The following KIAA0825 variants were observed in gnomAD, a reference collection of about 807,000 sequenced individuals.
KIAA0825 encodes the protein KIAA0825.
Under a neutral mutation model 147.6 loss-of-function variants are expected in KIAA0825, and 119 were observed. The observed-to-expected ratio is 0.81, with a 90% CI of 0.69 to 0.94. KIAA0825 has a LOEUF of 0.94. KIAA0825 is among the 40% of genes least tolerant of loss of function. KIAA0825 has a pLI of 0.00. For synonymous variants in KIAA0825, 470 were observed against 518.1 expected, an observed-to-expected ratio of 0.91 and a Z score of 1.26; for missense variants, 1,381 against 1,472.7, an observed-to-expected ratio of 0.94 and a Z score of 1.02.
intron 2 of KIAA0825, among the ~76,000 whole-genome samples, chr5:94,564,312 A>G (rs534801742): frequency 1.3e-5 from 2 of 150,756 alleles, no homozygotes; most frequent in South Asian, 4.2e-4. Flanking sequence ...CCTGGGCTCA[A>G]GGGATCCTCC....
At chr5:94,216,055 T>C (rs1450849599) in intron 20 of KIAA0825, among the ~76,000 whole-genome samples, 1 of 152,130 alleles carries the variant, frequency 6.6e-6, no homozygotes, top group Non-Finnish European at 1.5e-5. Flanking sequence ...ACCATGATTT[T>C]GGTGTGTCTA....
intron 20 of KIAA0825, among the ~76,000 whole-genome samples, chr5:94,239,021 A>G (rs959657034): frequency 2.6e-5 from 4 of 152,188 alleles, no homozygotes; most frequent in African/African-American, 4.8e-5. Context: ...AGTTCTGAAC[A>G]GTTTATTTTA....
At chr5:94,539,643 T>C (rs1463049384) in intron 2 of KIAA0825, among the ~76,000 whole-genome samples, 1 of 151,802 alleles carries the variant, frequency 6.6e-6, no homozygotes, top group East Asian at 1.9e-4. Context: ...GGTACCCGGG[T>C]AAATAATGGG....
At chr5:94,177,200 T>C (rs1769186132) in intron 20 of KIAA0825, among the ~76,000 whole-genome samples, 1 of 152,064 alleles carries the variant, frequency 6.6e-6, no homozygotes, top group South Asian at 2.1e-4. Flanking sequence ...TCAAATATTA[T>C]AAAGAAAAAT....
At position 94,308,982 on chromosome 5, in the gene KIAA0825, C is replaced by G. The variant is rs1778926667; in HGVS notation, c.3710+75386G>C. Among the ~76,000 whole-genome samples, 3 of 151,790 alleles carry G rather than the reference C, an allele frequency of 2.0e-5. No homozygotes were observed. In the South Asian group the frequency reaches 6.2e-4, roughly 31 times the overall value. The stretch of plus-strand genomic sequence containing the variant: ...ATTCTCAGCCACAATTCAGTGTGCT[C>G]TATTTGCTTTTCTTTAGTCATATTC... On this transcript the variant is annotated intron_variant, in intron 20 of 20. Transcript: ENST00000682413.
chr5:94,227,778 C>T (rs1362724991), intron 20 of KIAA0825, among the ~76,000 whole-genome samples: 2 of 151,314 alleles, frequency 1.3e-5, no homozygotes, highest in Non-Finnish European at 2.9e-5. Context: ...ACAATGAGAA[C>T]ACATGGACAC....
chr5:94,187,890 G>T (rs1379630915), intron 20 of KIAA0825, among the ~76,000 whole-genome samples: 1 of 152,126 alleles, frequency 6.6e-6, no homozygotes, highest in Non-Finnish European at 1.5e-5. Flanking sequence ...TACATGCAAT[G>T]GACTGGATGT....
At chr5:94,389,579 C>T (rs1749628904) in intron 18 of KIAA0825, among the ~76,000 whole-genome samples, 1 of 152,226 alleles carries the variant, frequency 6.6e-6, no homozygotes, top group Non-Finnish European at 1.5e-5. Flanking sequence ...CATTCTTCCC[C>T]TCAGCTAGGC....
intron 20 of KIAA0825, among the ~76,000 whole-genome samples, chr5:94,201,656 C>A (rs1302619766): frequency 1.3e-5 from 2 of 151,154 alleles, no homozygotes; most frequent in Non-Finnish European, 2.9e-5. Context: ...GCTATGTTAC[C>A]CAGTCTGGTC....
intron 2 of KIAA0825, among the ~76,000 whole-genome samples, chr5:94,581,464 T>C (rs1159639352): frequency 6.6e-6 from 1 of 152,126 alleles, no homozygotes; most frequent in Non-Finnish European, 1.5e-5. Context: ...AGAAACCTAT[T>C]TGAAAAGTTG....
chr5:94,599,331 G>GTTTTTTTT (rs57220290), intron 1 of KIAA0825, among the ~76,000 whole-genome samples: 9 of 98,506 alleles, frequency 9.1e-5, no homozygotes, highest in Non-Finnish European at 1.8e-4. Context: ...GATTATTTGG[G>GTTTTTTTT]TTTTTTTTTT....
Position 94,473,419 on chromosome 5 carries a change from AT to A in KIAA0825, c.1327del (p.Ile443PhefsTer13), listed in dbSNP as rs1157283082. 6 of 1,552,038 alleles carry A rather than the reference AT, an allele frequency of 3.9e-6. No individual in the cohort carries two copies. In the East Asian group the frequency reaches 1.2e-4, roughly 32 times the overall value. ...CCTTTCATTCTGTTCCTGTTGGAGA[AT>A]TTTTGTGGAAAAACCTTCAATTGCA... ...VTAIEGFSTK[I>X]LQQEQNERSS... is the part of the protein sequence containing the mutation. On this transcript the variant is annotated frameshift_variant, in exon 8 of 21. Transcript: ENST00000682413. LOFTEE classifies it high-confidence loss of function.
At chr5:94,182,764 T>C (rs1173985524) in intron 20 of KIAA0825, among the ~76,000 whole-genome samples, 1 of 152,184 alleles carries the variant, frequency 6.6e-6, no homozygotes, top group Non-Finnish European at 1.5e-5. Flanking sequence ...AACTTCTGTG[T>C]CCCCCTACTG....
intron 18 of KIAA0825, among the ~76,000 whole-genome samples, chr5:94,390,177 A>G (rs1749715108): frequency 6.6e-6 from 1 of 152,186 alleles, no homozygotes; most frequent in African/African-American, 2.4e-5. Context: ...ATTGGTGATT[A>G]TTGAGCTTTT....
At chr5:94,305,723 G>T (rs1778681466) in intron 20 of KIAA0825, among the ~76,000 whole-genome samples, 1 of 151,716 alleles carries the variant, frequency 6.6e-6, no homozygotes. Context: ...CCCAAGAAAG[G>T]GTTTTGACAT....
chr5:94,556,896 A>G (rs1776638088), intron 2 of KIAA0825, among the ~76,000 whole-genome samples: 2 of 152,170 alleles, frequency 1.3e-5, no homozygotes, highest in Admixed American at 6.5e-5. Flanking sequence ...AATTGACAAA[A>G]TATTTTTCAG....
In KIAA0825 at chr5:94,153,744, T is replaced by G. The variant is rs62367162; in HGVS notation, c.*263A>C. 0.021 allele frequency: 5,899 copies of G among 283,544 alleles called. 88 individuals are homozygous for G. Among genetic ancestry groups the G allele is most frequent in the Non-Finnish European group, 0.029 (4,436 of 153,814 alleles). 17.6% of individuals were successfully genotyped at this position (283,544 alleles called of 1,614,324 possible). Reference sequence around the variant, plus strand: ...AAGACTGAAAGGAGAAAAAAATAATTCAAAGGGAACACGAGATGGCAGCAG... The same window carrying G: ...AAGACTGAAAGGAGAAAAAAATAATGCAAAGGGAACACGAGATGGCAGCAG... On this transcript the variant is annotated 3_prime_UTR_variant, in exon 21 of 21. Coordinates refer to ENST00000682413, the MANE Select transcript of KIAA0825 (RefSeq NM_001145678.3).
At chr5:94,501,040 G>A (rs917207677) in intron 5 of KIAA0825, among the ~76,000 whole-genome samples, 4 of 151,950 alleles carry the variant, frequency 2.6e-5, no homozygotes, top group Non-Finnish European at 5.9e-5. Flanking sequence ...ACAGGCGTGA[G>A]CCACTGCACC....
intron 20 of KIAA0825, among the ~76,000 whole-genome samples, chr5:94,377,424 A>G (rs1446156984): frequency 6.6e-6 from 1 of 152,260 alleles, no homozygotes; most frequent in Non-Finnish European, 1.5e-5. Flanking sequence ...CCAGTGACAA[A>G]GAAAACAATA....
Sources: allele counts gnomAD v4.1 joint callset (sites outside exome capture counted in the v4.1 genomes callset), GRCh38; gene constraint gnomAD v4.1.1; transcripts MANE v1.5; gene names NCBI Gene and HGNC (gene_info 2026-07-23, HGNC 2026-07-21).